Variants in NFIA observed in about 807,000 individuals in gnomAD.
The protein encoded by NFIA is nuclear factor I A, also known as nuclear factor 1 A-type.
In NFIA, 8 loss-of-function variants were observed where a neutral mutation model predicts 62.8. That is an observed-to-expected ratio of 0.13 (90% CI 0.07 to 0.23). NFIA has a LOEUF of 0.23. Among genes scored for constraint, NFIA ranks in the 10% least tolerant of loss-of-function variants. The pLI is 1.00. For synonymous variants in NFIA, 235 were observed against 238.1 expected (o/e 0.99, Z 0.12); for missense variants, 410 against 642.1 (o/e 0.64, Z 3.91).
intron 3 of NFIA, among the ~76,000 whole-genome samples, chr1:61,287,664 C>A (rs1040692115): frequency 6.6e-6 from 1 of 151,884 alleles, no homozygotes; most frequent in Non-Finnish European, 1.5e-5. Context: ...CAACCCCCCC[C>A]AAAAAAAACA....
At chr1:61,442,556 C>G (rs1393991383) in intron 10 of NFIA, among the ~76,000 whole-genome samples, 1 of 149,994 alleles carries the variant, frequency 6.7e-6, no homozygotes, top group East Asian at 1.9e-4. Context: ...ACCATTTTGT[C>G]AGAGTTGCTT....
In NFIA at chr1:61,297,537, G is replaced by T. The variant is rs1659252156; in HGVS notation, c.625+19952G>T. On this transcript the variant is annotated intron_variant, in intron 3 of 10. Coordinates refer to ENST00000403491, the MANE Select transcript of NFIA (RefSeq NM_001134673.4). ...ATACTCCCTACTTCCTTTGAGAATA[G>T]TCCTTTCTTTGATATAAATGTTGCG... Among the ~76,000 whole-genome samples, 8 of 152,288 alleles carry T rather than the reference G, an allele frequency of 5.3e-5. No individual in the cohort carries two copies. In the South Asian group the frequency reaches 1.7e-3, roughly 32 times the overall value.
chr1:61,420,062 G>A (rs1002949849), intron 9 of NFIA, among the ~76,000 whole-genome samples: 2 of 152,194 alleles, frequency 1.3e-5, no homozygotes, highest in African/African-American at 4.8e-5. Flanking sequence ...ATTCCATCAT[G>A]TGGGGGTTTC....
chr1:61,291,222 C>T (rs1049338988), intron 3 of NFIA, among the ~76,000 whole-genome samples: 10 of 152,266 alleles, frequency 6.6e-5, no homozygotes, highest in South Asian at 2.1e-4. Context: ...TACCCCTTTC[C>T]GGTGTTCTTT....
chr1:61,377,681 C>T (rs1664217357), intron 6 of NFIA, among the ~76,000 whole-genome samples: 1 of 152,156 alleles, frequency 6.6e-6, no homozygotes. Flanking sequence ...CTATTCTTGA[C>T]TTTGTCACTT....
chr1:61,358,686 C>A (rs1569598893), intron 5 of NFIA, among the ~76,000 whole-genome samples: 1 of 152,136 alleles, frequency 6.6e-6, no homozygotes. Context: ...CCATGCCCAG[C>A]CCAATCCAAG....
intron 3 of NFIA, among the ~76,000 whole-genome samples, chr1:61,322,666 G>A (rs1660737243): frequency 6.7e-6 from 1 of 149,140 alleles, no homozygotes; most frequent in Non-Finnish European, 1.5e-5. Flanking sequence ...ACGTATATGT[G>A]TGACAAACAG....
intron 2 of NFIA, among the ~76,000 whole-genome samples, chr1:61,215,623 ATT>A (rs1653565032): frequency 6.6e-6 from 1 of 152,260 alleles, no homozygotes; most frequent in Non-Finnish European, 1.5e-5. Context: ...AGTGTAACTT[ATT>A]CAAGTAAATG....
intron 2 of NFIA, among the ~76,000 whole-genome samples, chr1:61,195,093 T>A (rs1417795820): frequency 6.6e-6 from 1 of 152,206 alleles, no homozygotes; most frequent in Non-Finnish European, 1.5e-5. Flanking sequence ...CTGCCACATT[T>A]TAAGTCATGG....
intron 2 of NFIA, among the ~76,000 whole-genome samples, chr1:61,128,829 A>C (rs1019097448): frequency 1.3e-5 from 2 of 151,870 alleles, no homozygotes; most frequent in Non-Finnish European, 2.9e-5. Context: ...TGCTCTACAG[A>C]TAAGGATACT....
chr1:61,301,924 A>C (rs1027257479), intron 3 of NFIA, among the ~76,000 whole-genome samples: 2 of 152,200 alleles, frequency 1.3e-5, no homozygotes, highest in Non-Finnish European at 2.9e-5. Context: ...TGTTGGCAGC[A>C]CTTAGCCGCT....
At chr1:61,077,647 ACTTT>A (rs1369318238), upstream of NFIA, 3 of 1,410,896 alleles carry the variant, frequency 2.1e-6, no homozygotes, top group African/African-American at 4.3e-5. Flanking sequence ...TACATCTTAA[ACTTT>A]CTATTTTGCA....
chr1:61,143,383 A>G (rs896014899), intron 2 of NFIA, among the ~76,000 whole-genome samples: 2 of 151,950 alleles, frequency 1.3e-5, no homozygotes, highest in Non-Finnish European at 2.9e-5. Context: ...TTCATATGTC[A>G]TTCTGCTTTT....
chr1:61,105,819 AC>A (rs1163618156), intron 2 of NFIA, among the ~76,000 whole-genome samples: 1 of 151,856 alleles, frequency 6.6e-6, no homozygotes, highest in Non-Finnish European at 1.5e-5. Flanking sequence ...TTTGAAACAT[AC>A]TTTTTAAAAA....
chr1:61,248,113 T>C (rs1389618208), intron 2 of NFIA, among the ~76,000 whole-genome samples: 1 of 152,160 alleles, frequency 6.6e-6, no homozygotes, highest in Non-Finnish European at 1.5e-5. Context: ...TGTCAGCTAC[T>C]GAACTAGGTG....
chr1:61,335,198 A>G (rs975261929), intron 4 of NFIA, among the ~76,000 whole-genome samples: 7 of 152,200 alleles, frequency 4.6e-5, no homozygotes, highest in African/African-American at 1.7e-4. Flanking sequence ...GTTTGGCAAG[A>G]GTGGGTCTGG....
At chr1:61,129,639 G>A (rs1647039697) in intron 2 of NFIA, among the ~76,000 whole-genome samples, 4 of 151,612 alleles carry the variant, frequency 2.6e-5, no homozygotes, top group Admixed American at 1.3e-4. Context: ...AGTAGAGATG[G>A]GGTTTCAGCA....
chr1:61,143,895 A>G (rs374001585), intron 2 of NFIA, among the ~76,000 whole-genome samples: 2 of 152,198 alleles, frequency 1.3e-5, no homozygotes, highest in Non-Finnish European at 2.9e-5. Flanking sequence ...AGGCCAAAGG[A>G]TATGCCACAG....
intron 5 of NFIA, among the ~76,000 whole-genome samples, chr1:61,358,871 C>A (rs537041423): frequency 1.3e-5 from 2 of 152,092 alleles, no homozygotes; most frequent in African/African-American, 4.8e-5. Flanking sequence ...TAGAGCCAGC[C>A]GCTTATTCCT....
Sources: gnomAD v4.1 joint callset for allele counts (sites outside exome capture counted in the v4.1 genomes callset) on GRCh38, gnomAD v4.1.1 for gene constraint, MANE v1.5 for transcripts, NCBI Gene and HGNC (gene_info 2026-07-23, HGNC 2026-07-21) for gene names.